PDCD4: variants seen among roughly 807,000 people sequenced by gnomAD.
PDCD4 encodes programmed cell death 4, also known as programmed cell death protein 4.
PDCD4 carries 56 observed loss-of-function variants against 54.0 expected under a neutral mutation model. The ratio of observed to expected loss-of-function variants is 1.04; its 90% CI spans 0.84 to 1.30. PDCD4 has a LOEUF of 1.30. Among genes scored for constraint, PDCD4 ranks in the 50% most tolerant of loss-of-function variants. The pLI is 0.00. For missense variants in PDCD4, 584 were observed against 559.8 expected (o/e 1.04, Z -0.44); for synonymous variants, 186 against 194.8 (o/e 0.95, Z 0.37).
rs5787876 is a variant in PDCD4, at chr10:110,898,158, G to GTTT, written c.*88_*90dup. On this transcript the variant is annotated 3_prime_UTR_variant, in exon 12 of 12. Transcript: ENST00000280154. ...TGAATTGTAAGAGTTGTTAGCACAA[G>GTTT]TTTTTTTTTTTTTTTTTTTTAAGCA... The GTTT allele has an allele frequency of 4.2e-4, 161 of 385,240 alleles. No individual in the cohort carries two copies. The highest frequency in any genetic ancestry group is 8.3e-4 in the South Asian group (9 of 10,834). 23.9% of individuals were successfully genotyped at this position (385,240 alleles called of 1,614,324 possible).
At chr10:110,873,352 A>G (rs1014308531) in intron 1 of PDCD4, among the ~76,000 whole-genome samples, 8 of 152,266 alleles carry the variant, frequency 5.3e-5, no homozygotes, top group African/African-American at 1.2e-4. Flanking sequence ...AAGAATGAAT[A>G]CAAGTAATCC....
chr10:110,874,512 C>T (rs898101528), intron 1 of PDCD4, among the ~76,000 whole-genome samples: 1 of 152,002 alleles, frequency 6.6e-6, no homozygotes, highest in African/African-American at 2.4e-5. Context: ...TGAATCTCTA[C>T]ATATTTTTAA....
chr10:110,890,667 A>C lies in PDCD4; in HGVS notation c.987A>C (p.Lys329Asn), dbSNP rs1845741555. 1 of 1,577,932 alleles carries C rather than the reference A, an allele frequency of 6.3e-7. No individual in the cohort carries two copies. Among genetic ancestry groups the C allele is most frequent in the African/African-American group, 1.3e-5 (1 of 74,376 alleles). The change falls in exon 8 of 12, where the codon AAA becomes AAC. Residue 329 changes from lysine to asparagine, a missense_variant. Physicochemically the swap from Lys to Asn is moderately conservative, Grantham distance 94 (BLOSUM62 0). Coordinates refer to ENST00000280154, the MANE Select transcript of PDCD4 (RefSeq NM_014456.5). ...AGCAATCTGTCAATCACCTTGTTAA[A>C]GAGGTAATGATTGGGTATTGTTTTT... ...GGQQSVNHLV[K>N]EIDMLLKEYL...
At chr10:110,896,242 C>G (rs1486576669) in intron 11 of PDCD4, among the ~76,000 whole-genome samples, 155 bp downstream of exon 11, 1 of 152,146 alleles carries the variant, frequency 6.6e-6, no homozygotes, top group African/African-American at 2.4e-5. Flanking sequence ...GTTTTAGCCC[C>G]CTTGTAAATC....
chr10:110,887,752 C>A lies in PDCD4; in HGVS notation c.643C>A (p.His215Asn). 1 of 1,613,056 alleles carries A rather than the reference C, an allele frequency of 6.2e-7. No individual in the cohort carries two copies. The highest frequency in any genetic ancestry group is 1.1e-5 in the South Asian group (1 of 91,038). ...CTTAGCATTGGAGGGGAAGGCTAGT[C>A]ATAGAGAGATGACATCTAAGCTTCT... Reference protein sequence around the residue: ...VSLALEGKASHREMTSKLLSD... With the variant: ...VSLALEGKASNREMTSKLLSD... The change falls in exon 6 of 12, where the codon CAT becomes AAT. Residue 215 changes from histidine to asparagine, a missense_variant. His to Asn is a moderately conservative substitution (Grantham distance 68). Transcript: ENST00000280154.
At chr10:110,875,362 C>G (rs1416288725) in intron 1 of PDCD4, among the ~76,000 whole-genome samples, 1 of 151,962 alleles carries the variant, frequency 6.6e-6, no homozygotes, top group Non-Finnish European at 1.5e-5. Context: ...AAAAGGATTT[C>G]TCATATAAAT....
intron 2 of PDCD4, among the ~76,000 whole-genome samples, chr10:110,878,587 G>A (rs1845542619): frequency 6.6e-6 from 1 of 152,038 alleles, no homozygotes; most frequent in African/African-American, 2.4e-5. Flanking sequence ...AATCATTTTT[G>A]TTTATCTCTC....
intron 5 of PDCD4, 106 bp downstream of exon 5, chr10:110,885,472 A>T: frequency 3.8e-6 from 2 of 523,238 alleles, no homozygotes; most frequent in Non-Finnish European, 6.8e-6. Flanking sequence ...AAATTTAATC[A>T]TTTTCTTTTG....
intron 6 of PDCD4, 55 bp from the exon 7 acceptor site, chr10:110,889,478 A>G (rs572460576): frequency 1.1e-6 from 1 of 915,358 alleles, no homozygotes; most frequent in Non-Finnish European, 1.8e-6. Context: ...AGAAATTGTG[A>G]CCTATAAAAG....
At chr10:110,897,966 T>A (rs538850598) in intron 11 of PDCD4, 62 bp from the exon 12 acceptor site, 8 of 1,199,784 alleles carry the variant, frequency 6.7e-6, no homozygotes, top group South Asian at 3.0e-5. Flanking sequence ...TTAATTTTTT[T>A]ATATATTGAC....
chr10:110,878,587 G>GT (rs1467298903), intron 2 of PDCD4, among the ~76,000 whole-genome samples: 1 of 152,038 alleles, frequency 6.6e-6, no homozygotes, highest in East Asian at 1.9e-4. Context: ...AATCATTTTT[G>GT]TTTATCTCTC....
intron 11 of PDCD4, among the ~76,000 whole-genome samples, chr10:110,896,691 G>A (rs750596131): frequency 2.1e-4 from 32 of 152,226 alleles, no homozygotes; most frequent in African/African-American, 5.3e-4. Context: ...AGCTAATAAT[G>A]AAGCTTATAA....
chr10:110,891,010 C>A (rs183696114), intron 8 of PDCD4: 1 of 175,558 alleles, frequency 5.7e-6, no homozygotes, highest in Non-Finnish European at 1.2e-5. Context: ...TCAATAAATA[C>A]GCTTTTATAT....
At chr10:110,877,916 G>A (rs1222495178) in intron 2 of PDCD4, among the ~76,000 whole-genome samples, 2 of 152,180 alleles carry the variant, frequency 1.3e-5, no homozygotes, top group Non-Finnish European at 2.9e-5. Context: ...TTAAGTCTGT[G>A]AAGCACATAC....
rs758629219 is a variant in PDCD4, at chr10:110,894,492, T to G, written c.1179T>G (p.Ser393=). The G allele has an allele frequency of 5.9e-6, 9 of 1,531,878 alleles. No individual in the cohort carries two copies. Among genetic ancestry groups the G allele is most frequent in the African/African-American group, 1.4e-5 (1 of 73,384 alleles). 94.9% of individuals were successfully genotyped at this position (1,531,878 alleles called of 1,614,324 possible). A position where few individuals can be genotyped will look rare whatever the true frequency, so the allele number is the denominator to read the frequency against. ...ATTTATTAAAGTCCCTTTGGAAGTCTTCTACCATTACTGTAGACCAAATGA... is the reference window on the plus strand; with the variant it reads ...ATTTATTAAAGTCCCTTTGGAAGTCGTCTACCATTACTGTAGACCAAATGA... ...ILDLLKSLWK[S]STITVDQMKR... is the part of the protein sequence containing the mutation. The change falls in exon 10 of 12, where the codon TCT becomes TCG. Residue 393 remains serine, a synonymous_variant. Transcript: ENST00000280154.
In PDCD4 at chr10:110,885,275, T is replaced by C; in HGVS notation, c.464T>C (p.Val155Ala). The change falls in exon 5 of 12, where the codon GTA becomes GCA. Residue 155 changes from valine to alanine, a missense_variant. Physicochemically the swap from Val to Ala is moderately conservative, Grantham distance 64. Coordinates refer to ENST00000280154, the MANE Select transcript of PDCD4 (RefSeq NM_014456.5). ...AAGGAGAACTGTGTTTATGAAACTG[T>C]AGTTTTGCCTTTGGATGAAAGGGCA... ...DDQENCVYET[V>A]VLPLDERAFE... 6.4e-7 allele frequency: 1 copy of C among 1,571,754 alleles called. No homozygotes were observed. The highest frequency in any genetic ancestry group is 8.7e-7 in the Non-Finnish European group (1 of 1,144,304).
In PDCD4 at chr10:110,887,834, A is replaced by G; in HGVS notation, c.725A>G (p.Lys242Arg). ...ACTGATGTGGAAAAATCATTTGATAAATTGTTGAAAGATCTACCTGAATTA... is the reference window on the plus strand; with the variant it reads ...ACTGATGTGGAAAAATCATTTGATAGATTGTTGAAAGATCTACCTGAATTA... ...STTDVEKSFD[K>R]LLKDLPELAL... Residue 242 changes from lysine (K) to arginine (R), a missense_variant, in exon 6 of 12, where the codon AAA becomes AGA. Lys to Arg is a conservative substitution (Grantham distance 26). Coordinates refer to ENST00000280154, the MANE Select transcript of PDCD4 (RefSeq NM_014456.5). 1.2e-6 allele frequency: 2 copies of G among 1,613,734 alleles called. No individual in the cohort carries two copies. The highest frequency in any genetic ancestry group is 2.2e-5 in the South Asian group (2 of 91,060).
At position 110,885,361 on chromosome 10, in the gene PDCD4, GT is replaced by G; in HGVS notation, c.552del (p.Ala185ArgfsTer4). The G allele has an allele frequency of 6.8e-7, 1 of 1,461,980 alleles. No homozygotes were observed. Among genetic ancestry groups the G allele is most frequent in the Non-Finnish European group, 9.5e-7 (1 of 1,049,640 alleles). The allele number at this position is 1,461,980 out of a possible 1,614,324, so 90.6% of individuals were successfully genotyped here. On this transcript the variant is annotated frameshift_variant, in exon 5 of 12. Transcript: ENST00000280154. LOFTEE classifies it high-confidence loss of function. ...EYFEHGDTNE[V>X]AEMLRDLNLG... The stretch of plus-strand genomic sequence containing the variant: ...TTTTGAGCATGGAGATACTAATGAA[GT>G]TGCGGTAGGTTTAAAGTTGCAAGTA...
Position 110,885,022 on chromosome 10 carries a change from C to A in PDCD4, c.442-231C>A, listed in dbSNP as rs377027555. ...TGTTTCCCAGGCTAGTATTGAACTC[C>A]AGGCCTCAAGTGAACCTCCCGCCTT... On this transcript the variant is annotated intron_variant, in intron 4 of 11. Transcript: ENST00000280154. 48 of 335,502 alleles carry A rather than the reference C, an allele frequency of 1.4e-4. No individual in the cohort carries two copies. In the East Asian group the frequency reaches 2.4e-3, roughly 17 times the overall value. 20.8% of individuals were successfully genotyped at this position (335,502 alleles called of 1,614,324 possible).
Sources: allele counts gnomAD v4.1 joint callset (sites outside exome capture counted in the v4.1 genomes callset), GRCh38; gene constraint gnomAD v4.1.1; transcripts MANE v1.5; gene names NCBI Gene and HGNC (gene_info 2026-07-23, HGNC 2026-07-21).